Variants in TMTC1 observed in about 807,000 individuals in gnomAD.
TMTC1 encodes protein O-mannosyl-transferase TMTC1.
In TMTC1, 73 loss-of-function variants were observed where a neutral mutation model predicts 104.8. That is an observed-to-expected ratio of 0.70 (90% CI 0.58 to 0.85). TMTC1 has a LOEUF of 0.85. Ranked by LOEUF, TMTC1 falls within the 40% of genes least tolerant of loss-of-function variation. The pLI, the probability that TMTC1 is intolerant of heterozygous loss-of-function variation, is 0.00. For missense variants in TMTC1, 1,035 were observed against 1,096.1 expected (o/e 0.94, Z 0.79); for synonymous variants, 434 against 428.7 (o/e 1.01, Z -0.15).
chr12:29,673,118 T>C (rs2136687079), intron 5 of TMTC1, among the ~76,000 whole-genome samples: 1 of 152,360 alleles, frequency 6.6e-6, no homozygotes, highest in Non-Finnish European at 1.5e-5. Flanking sequence ...GATTTCAGTT[T>C]TATTTCACTT....
At chr12:29,684,713 G>A (rs921377911) in intron 5 of TMTC1, among the ~76,000 whole-genome samples, 2 of 152,126 alleles carry the variant, frequency 1.3e-5, no homozygotes, top group African/African-American at 4.8e-5. Context: ...GTGCTACTAT[G>A]AGCTGTAGCT....
intron 5 of TMTC1, among the ~76,000 whole-genome samples, chr12:29,719,462 AC>A (rs1206556323): frequency 6.6e-5 from 10 of 152,014 alleles, no homozygotes; most frequent in Admixed American, 2.6e-4. Context: ...AAGGTATAAA[AC>A]CTTATGCTGG....
chr12:29,754,274 G>A (rs1460612624), intron 4 of TMTC1, among the ~76,000 whole-genome samples: 2 of 151,850 alleles, frequency 1.3e-5, no homozygotes, highest in African/African-American at 2.4e-5. Context: ...TATGATGAAG[G>A]TAAAGAAAAA....
At chr12:29,686,985 TA>T (rs5797334) in intron 5 of TMTC1, among the ~76,000 whole-genome samples, 4 of 151,844 alleles carry the variant, frequency 2.6e-5, no homozygotes, top group African/African-American at 4.8e-5. Context: ...TATTTTTTAT[TA>T]AAAAAATGAG....
chr12:29,653,687 T>C (rs1355492780), intron 5 of TMTC1, among the ~76,000 whole-genome samples: 1 of 152,210 alleles, frequency 6.6e-6, no homozygotes, highest in Non-Finnish European at 1.5e-5. Context: ...GACTGACAGC[T>C]AATACATCTG....
At chr12:29,759,486 C>G (rs898286107) in intron 2 of TMTC1, among the ~76,000 whole-genome samples, 5 of 151,954 alleles carry the variant, frequency 3.3e-5, no homozygotes, top group African/African-American at 1.2e-4. Flanking sequence ...ACAGAGTGGA[C>G]CCTGTCTCAA....
intron 5 of TMTC1, among the ~76,000 whole-genome samples, chr12:29,661,739 T>G (rs1434177137): frequency 1.3e-5 from 2 of 152,044 alleles, no homozygotes; most frequent in Non-Finnish European, 2.9e-5. Flanking sequence ...CCCACTCAGT[T>G]AAATAATTTT....
At chr12:29,722,043 T>A (rs942437254) in intron 5 of TMTC1, among the ~76,000 whole-genome samples, 2 of 152,192 alleles carry the variant, frequency 1.3e-5, no homozygotes, top group Non-Finnish European at 2.9e-5. Context: ...TGTTTCAATA[T>A]CACGTCATGT....
chr12:29,660,534 C>T (rs1939969161), intron 5 of TMTC1, among the ~76,000 whole-genome samples: 1 of 152,178 alleles, frequency 6.6e-6, no homozygotes. Flanking sequence ...TGAGACAACT[C>T]AGCCTCAGCA....
intron 6 of TMTC1, among the ~76,000 whole-genome samples, chr12:29,627,423 G>A (rs941107383): frequency 6.6e-6 from 1 of 152,160 alleles, no homozygotes; most frequent in Middle Eastern, 3.2e-3. Context: ...TTCAGACTCA[G>A]TAGGATAGCT....
chr12:29,574,312 A>G (rs1592255354), intron 8 of TMTC1, among the ~76,000 whole-genome samples: 2 of 152,158 alleles, frequency 1.3e-5, no homozygotes, highest in African/African-American at 2.4e-5. Flanking sequence ...CTCCCTACCA[A>G]TAAGTTTTGT....
At chr12:29,665,084 T>C (rs1296939658) in intron 5 of TMTC1, among the ~76,000 whole-genome samples, 3 of 152,166 alleles carry the variant, frequency 2.0e-5, no homozygotes, top group Non-Finnish European at 4.4e-5. Context: ...ATTGTGATCC[T>C]TGGATGTTCT....
chr12:29,686,773 T>C (rs560986985), intron 5 of TMTC1, among the ~76,000 whole-genome samples: 2 of 152,358 alleles, frequency 1.3e-5, no homozygotes, highest in African/African-American at 4.8e-5. Context: ...AGTCAGACAA[T>C]CATCTTTGAT....
At chr12:29,613,200 T>C (rs181737890) in intron 6 of TMTC1, among the ~76,000 whole-genome samples, 3 of 152,290 alleles carry the variant, frequency 2.0e-5, no homozygotes, top group African/African-American at 7.2e-5. Context: ...CTAAGAGATA[T>C]GTGTCCATGT....
intron 6 of TMTC1, among the ~76,000 whole-genome samples, chr12:29,611,993 C>G: frequency 6.6e-6 from 1 of 152,110 alleles, no homozygotes; most frequent in Admixed American, 6.5e-5. Context: ...AATTGAGGGC[C>G]AGAGAGCATG....
chr12:29,751,785 A>T lies in TMTC1; in HGVS notation c.819T>A (p.Asn273Lys). 1 of 1,613,710 alleles carries T rather than the reference A, an allele frequency of 6.2e-7. No homozygotes were observed. Among genetic ancestry groups the T allele is most frequent in the Non-Finnish European group, 8.5e-7 (1 of 1,179,900 alleles). Residue 273 changes from asparagine to lysine, a missense_variant, in exon 5 of 18, where the codon AAT (asparagine) becomes AAA (lysine). Transcript: ENST00000539277. ...TGTGAGGGAACCGCTGCTGCTTCCC[A>T]TTCTCCCGGTGAGGATGGCCTGGCA... Reference protein sequence around the residue: ...SSLPGHPHRENGKQQRFPHKG... With the variant: ...SSLPGHPHREKGKQQRFPHKG...
intron 5 of TMTC1, among the ~76,000 whole-genome samples, chr12:29,636,045 A>G (rs1437978978): frequency 1.3e-5 from 2 of 152,244 alleles, no homozygotes; most frequent in Non-Finnish European, 2.9e-5. Context: ...TTAAAGTGTG[A>G]TAATAGTATT....
intron 5 of TMTC1, among the ~76,000 whole-genome samples, chr12:29,660,163 T>C (rs1939949183): frequency 6.6e-6 from 1 of 152,246 alleles, no homozygotes; most frequent in African/African-American, 2.4e-5. Context: ...ACCTCTGTTC[T>C]GGACCTAATC....
At chr12:29,674,782 A>C (rs1195852809) in intron 5 of TMTC1, among the ~76,000 whole-genome samples, 1 of 152,168 alleles carries the variant, frequency 6.6e-6, no homozygotes, top group Admixed American at 6.5e-5. Flanking sequence ...AAAGAGCAAG[A>C]AGTGCCCACA....
Sources: gnomAD v4.1 joint callset for allele counts (sites outside exome capture counted in the v4.1 genomes callset) on GRCh38, gnomAD v4.1.1 for gene constraint, MANE v1.5 for transcripts, NCBI Gene and HGNC (gene_info 2026-07-23, HGNC 2026-07-21) for gene names.